STK33: variants seen among roughly 807,000 people sequenced by gnomAD.
The protein encoded by STK33 is serine/threonine-protein kinase 33.
In STK33, 52 loss-of-function variants were observed where a neutral mutation model predicts 58.0. The ratio of observed to expected loss-of-function variants is 0.90; its 90% CI spans 0.72 to 1.13. The LOEUF (loss-of-function observed/expected upper bound fraction) is 1.13, where lower values mean the gene tolerates loss of function less well. Among genes scored for constraint, STK33 ranks in the 50% most tolerant of loss-of-function variants. The probability of loss-of-function intolerance (pLI) is 0.00; values close to 1 mark genes in which losing one functional copy is unlikely to be tolerated. For synonymous variants in STK33, 215 were observed against 200.1 expected (o/e 1.07, Z -0.63); for missense variants, 630 against 604.2 (o/e 1.04, Z -0.45).
Position 8,413,611 on chromosome 11 carries a change from C to G in STK33, c.1228G>C (p.Glu410Gln). ...EWKNNPESVE[E>Q]NTTEEKNKPS... ...TTATTCTTCTCTTCTGTTGTGTTTT[C>G]CTCAACACTTTCTGGGTTATTTTTC... Residue 410 changes from glutamate (E) to glutamine (Q), a missense_variant, in exon 15 of 16, where the codon GAA (glutamate) becomes CAA (glutamine). By Grantham distance (29) the Glu-to-Gln change is conservative. Coordinates refer to ENST00000687296, the MANE Select transcript of STK33 (RefSeq NM_001352389.2). 4 of 1,613,986 alleles carry G rather than the reference C, an allele frequency of 2.5e-6. No individual in the cohort carries two copies. The highest frequency in any genetic ancestry group is 3.4e-6 in the Non-Finnish European group (4 of 1,179,936).
downstream of STK33, among the ~76,000 whole-genome samples, chr11:8,390,032 T>C (rs948122640): frequency 1.3e-5 from 2 of 152,200 alleles, no homozygotes; most frequent in South Asian, 2.1e-4. Flanking sequence ...GGCAGAACCA[T>C]GTGTTGTCAT....
the STK33 span, among the ~76,000 whole-genome samples, chr11:8,380,403 T>C: frequency 6.6e-6 from 1 of 151,750 alleles, no homozygotes; most frequent in African/African-American, 2.4e-5. Context: ...CTACTAAAAA[T>C]ACAAAAAATA....
In STK33 at chr11:8,480,594, G is replaced by A. The variant is rs531447207; in HGVS notation, c.-445C>T. ...GGAGATGAGCCAGAAGGCCGGATGT[G>A]CTGAGAAGTAGTGGCCCTGCCTAGA... On this transcript the variant is annotated 5_prime_UTR_variant, in exon 2 of 16. Transcript: ENST00000687296. The A allele has an allele frequency of 2.2e-4, 33 of 152,386 alleles. No homozygotes were observed. Among genetic ancestry groups the A allele is most frequent in the African/African-American group, 7.7e-4 (32 of 41,548 alleles). 9.4% of individuals were successfully genotyped at this position (152,386 alleles called of 1,614,324 possible).
intron 1 of STK33, among the ~76,000 whole-genome samples, chr11:8,559,867 A>T (rs2140911203): frequency 6.6e-6 from 1 of 152,280 alleles, no homozygotes; most frequent in Admixed American, 6.5e-5. Context: ...TATAAATCAC[A>T]TATGGTTGTA....
At chr11:8,416,243 C>T (rs767221477) in intron 14 of STK33, among the ~76,000 whole-genome samples, 5 of 152,210 alleles carry the variant, frequency 3.3e-5, no homozygotes, top group South Asian at 2.1e-4. Context: ...ACACTACCAC[C>T]GTTCAACAGA....
At chr11:8,446,727 C>A (rs893307311) in intron 11 of STK33, among the ~76,000 whole-genome samples, 1 of 152,124 alleles carries the variant, frequency 6.6e-6, no homozygotes, top group Admixed American at 6.6e-5. Flanking sequence ...AAAGGATTCC[C>A]TATTTAATAA....
At chr11:8,367,051 T>G in the STK33 span, among the ~76,000 whole-genome samples, 1 of 152,260 alleles carries the variant, frequency 6.6e-6, no homozygotes, top group African/African-American at 2.4e-5. Context: ...AGGTGTGCAT[T>G]CTATGTCTGC....
At chr11:8,448,408 C>A (rs1945804903) in intron 11 of STK33, among the ~76,000 whole-genome samples, 1 of 152,190 alleles carries the variant, frequency 6.6e-6, no homozygotes, top group Non-Finnish European at 1.5e-5. Flanking sequence ...GTAACCAAAA[C>A]AGCATGGTAC....
At chr11:8,509,618 G>C (rs1952146383) in intron 1 of STK33, among the ~76,000 whole-genome samples, 1 of 152,118 alleles carries the variant, frequency 6.6e-6, no homozygotes, top group Admixed American at 6.6e-5. Context: ...CACCCTAGCA[G>C]AGTACACTGT....
At chr11:8,407,924 T>G (rs1312392613) in intron 15 of STK33, among the ~76,000 whole-genome samples, 2 of 152,012 alleles carry the variant, frequency 1.3e-5, no homozygotes, top group African/African-American at 4.8e-5. Flanking sequence ...GATAAAGAGA[T>G]GACCTTGAAA....
the STK33 span, among the ~76,000 whole-genome samples, chr11:8,350,533 T>G: frequency 6.6e-6 from 1 of 152,158 alleles, no homozygotes; most frequent in South Asian, 2.1e-4. Context: ...CACCTTCCCG[T>G]GCAGGGACTT....
intron 1 of STK33, among the ~76,000 whole-genome samples, chr11:8,593,236 A>G (rs1485964684): frequency 6.6e-6 from 1 of 152,180 alleles, no homozygotes; most frequent in African/African-American, 2.4e-5. Flanking sequence ...ACAAGGAAAG[A>G]GTTTGGGTTC....
chr11:8,468,476 C>A (rs1037324796), intron 6 of STK33, among the ~76,000 whole-genome samples: 18 of 152,200 alleles, frequency 1.2e-4, no homozygotes, highest in African/African-American at 3.1e-4. Flanking sequence ...TAATTACTCA[C>A]CTCCTTCATG....
chr11:8,343,554 A>ATTGGTGTGG, the STK33 span, among the ~76,000 whole-genome samples: 20 of 152,304 alleles, frequency 1.3e-4, no homozygotes, highest in African/African-American at 4.8e-4. Context: ...TCGGGCAGAA[A>ATTGGTGTGG]GAACAGGGAA....
intron 1 of STK33, among the ~76,000 whole-genome samples, chr11:8,489,345 T>A (rs995630581): frequency 4.7e-5 from 7 of 149,536 alleles, no homozygotes; most frequent in Non-Finnish European, 3.0e-5. Context: ...TTACACCAAA[T>A]ATAGATGATC....
intron 12 of STK33, among the ~76,000 whole-genome samples, chr11:8,439,869 T>TTATA (rs551629890): frequency 0.022 from 2,357 of 107,248 alleles, 219 homozygotes; most frequent in African/African-American, 0.073. Context: ...TATATTATAA[T>TTATA]TATATATATA....
At chr11:8,593,924 G>A (rs2033021660) in intron 1 of STK33, 159 bp downstream of exon 1, 1 of 152,218 alleles carries the variant, frequency 6.6e-6, no homozygotes, top group African/African-American at 2.4e-5. Context: ...GCTCGGCCCG[G>A]TCCCTCCGCT....
intron 1 of STK33, among the ~76,000 whole-genome samples, chr11:8,496,601 G>T (rs1374252339): frequency 1.3e-5 from 2 of 149,384 alleles, no homozygotes; most frequent in African/African-American, 4.9e-5. Flanking sequence ...TTGAGATGGA[G>T]TCTCACTCTG....
At chr11:8,364,556 A>C in the STK33 span, among the ~76,000 whole-genome samples, 7,413 of 152,324 alleles carry the variant, frequency 0.049, 246 homozygotes, top group Non-Finnish European at 0.07. Context: ...CCAGCAGGGA[A>C]GTTTACCCCT....
Sources: gnomAD v4.1 joint callset for allele counts (sites outside exome capture counted in the v4.1 genomes callset) on GRCh38, gnomAD v4.1.1 for gene constraint, MANE v1.5 for transcripts, NCBI Gene and HGNC (gene_info 2026-07-23, HGNC 2026-07-21) for gene names.